EVI5: variants seen among roughly 807,000 people sequenced by gnomAD.
The protein encoded by EVI5 is ecotropic viral integration site 5 protein homolog.
EVI5 carries 73 observed loss-of-function variants against 112.0 expected under a neutral mutation model. That is an observed-to-expected ratio of 0.65 (90% CI 0.54 to 0.79). The LOEUF (loss-of-function observed/expected upper bound fraction) is 0.79, where lower values mean the gene tolerates loss of function less well. Ranked by LOEUF, EVI5 falls within the 30% of genes least tolerant of loss-of-function variation. The pLI, the probability that EVI5 is intolerant of heterozygous loss-of-function variation, is 0.00. For missense variants in EVI5, 900 were observed against 968.8 expected (o/e 0.93, Z 0.94); for synonymous variants, 305 against 319.9 (o/e 0.95, Z 0.50).
intron 19 of EVI5, among the ~76,000 whole-genome samples, chr1:92,520,383 T>C (rs920957165): frequency 1.3e-5 from 2 of 152,294 alleles, no homozygotes; most frequent in South Asian, 2.1e-4. Context: ...GTGACAGTTA[T>C]ATAATTCTAA....
At chr1:92,634,907 C>A (rs1236955591) in intron 14 of EVI5, among the ~76,000 whole-genome samples, 1 of 152,192 alleles carries the variant, frequency 6.6e-6, no homozygotes, top group African/African-American at 2.4e-5. Flanking sequence ...AGTCAGGACC[C>A]TTAGCTGCAA....
chr1:92,741,071 C>T (rs1277775428), intron 1 of EVI5, among the ~76,000 whole-genome samples: 2 of 152,150 alleles, frequency 1.3e-5, no homozygotes, highest in Non-Finnish European at 2.9e-5. Context: ...TAAATCGCAC[C>T]AGGTACTGTT....
At chr1:92,563,773 G>T in intron 18 of EVI5, 36 bp from the exon 19 acceptor site, 1 of 1,390,496 alleles carries the variant, frequency 7.2e-7, no homozygotes. Context: ...AAAAACAAGA[G>T]GCAATTTTTC....
intron 13 of EVI5, among the ~76,000 whole-genome samples, chr1:92,641,735 C>T (rs1405797196): frequency 6.6e-6 from 1 of 152,068 alleles, no homozygotes; most frequent in East Asian, 1.9e-4. Flanking sequence ...CATATGACCC[C>T]AAAAGGATGT....
intron 16 of EVI5, among the ~76,000 whole-genome samples, chr1:92,623,300 T>C (rs1654971052): frequency 6.6e-6 from 1 of 152,164 alleles, no homozygotes. Flanking sequence ...ATATTTATTC[T>C]GAAGAAATTA....
At chr1:92,765,788 G>A (rs1330841955) in intron 1 of EVI5, among the ~76,000 whole-genome samples, 2 of 152,112 alleles carry the variant, frequency 1.3e-5, no homozygotes, top group Admixed American at 6.6e-5. Context: ...AAAACTGGGG[G>A]GAAAGGGCGG....
chr1:92,773,504 G>A (rs752751508), intron 1 of EVI5, among the ~76,000 whole-genome samples: 10 of 151,908 alleles, frequency 6.6e-5, no homozygotes, highest in East Asian at 3.9e-4. Flanking sequence ...AGCCAAGTGC[G>A]GTGGCACAAA....
At chr1:92,667,669 G>C (rs923341793) in intron 10 of EVI5, among the ~76,000 whole-genome samples, 3 of 152,182 alleles carry the variant, frequency 2.0e-5, no homozygotes, top group Non-Finnish European at 2.9e-5. Context: ...AGGCTGGAAT[G>C]CAGTGGTGCG....
chr1:92,583,703 T>G (rs991491572), intron 18 of EVI5, among the ~76,000 whole-genome samples: 2 of 150,740 alleles, frequency 1.3e-5, no homozygotes, highest in Non-Finnish European at 3.0e-5. Flanking sequence ...TATAAGCTAC[T>G]GGAAGTACCA....
At chr1:92,698,875 T>G (rs1558098626) in intron 5 of EVI5, among the ~76,000 whole-genome samples, 1 of 152,174 alleles carries the variant, frequency 6.6e-6, no homozygotes, top group Non-Finnish European at 1.5e-5. Flanking sequence ...GGAAATCATA[T>G]CAAATAAGAT....
At chr1:92,732,768 C>T (rs939866423) in intron 2 of EVI5, among the ~76,000 whole-genome samples, 5 of 151,112 alleles carry the variant, frequency 3.3e-5, no homozygotes, top group African/African-American at 7.3e-5. Flanking sequence ...GGCGTGGTGG[C>T]GGGCACCTGT....
At chr1:92,721,824 C>G (rs549200089) in intron 2 of EVI5, among the ~76,000 whole-genome samples, 1 of 152,052 alleles carries the variant, frequency 6.6e-6, no homozygotes, top group Non-Finnish European at 1.5e-5. Context: ...TTTAATATAA[C>G]GCTTTGTGTA....
chr1:92,561,938 A>G (rs1208158474), intron 19 of EVI5, among the ~76,000 whole-genome samples: 1 of 152,102 alleles, frequency 6.6e-6, no homozygotes, highest in Non-Finnish European at 1.5e-5. Flanking sequence ...ACCTGGTCAG[A>G]ATATCATTAT....
Position 92,512,346 on chromosome 1 carries a change from C to T in EVI5, c.*1310G>A, listed in dbSNP as rs201426539. 2 of 152,480 alleles carry T rather than the reference C, an allele frequency of 1.3e-5. No homozygotes were observed. The highest frequency in any genetic ancestry group is 1.3e-4 in the Admixed American group (2 of 15,278). The allele number at this position is 152,480 out of a possible 1,614,324, so 9.4% of individuals were successfully genotyped here. A position where few individuals can be genotyped will look rare whatever the true frequency, so the allele number is the denominator to read the frequency against. On this transcript the variant is annotated 3_prime_UTR_variant, in exon 20 of 20. Transcript: ENST00000684568. ...CACTAACTAATATGTGCTATAACCT[C>T]TTCAGTCATGAAAAATTTAGTAGTT...
intron 2 of EVI5, among the ~76,000 whole-genome samples, chr1:92,716,667 C>A (rs1407063633): frequency 6.8e-6 from 1 of 147,560 alleles, no homozygotes; most frequent in Non-Finnish European, 1.5e-5. Flanking sequence ...TAATAACAAA[C>A]TTCTCCAAGC....
upstream of EVI5, among the ~76,000 whole-genome samples, chr1:92,786,760 G>GA (rs1482825766): frequency 6.6e-6 from 1 of 152,026 alleles, no homozygotes; most frequent in Non-Finnish European, 1.5e-5. Context: ...CATTCTCTTA[G>GA]AAAAAACCCT....
intron 1 of EVI5, among the ~76,000 whole-genome samples, chr1:92,770,768 C>T (rs1347780881): frequency 2.6e-5 from 4 of 151,612 alleles, no homozygotes; most frequent in Non-Finnish European, 5.9e-5. Flanking sequence ...CCAGCCTGGG[C>T]GACAGAGCGG....
At chr1:92,722,212 T>C (rs1674858581) in intron 2 of EVI5, among the ~76,000 whole-genome samples, 1 of 152,212 alleles carries the variant, frequency 6.6e-6, no homozygotes, top group Admixed American at 6.5e-5. Context: ...GAATATAATA[T>C]ACTGTTATTA....
chr1:92,517,885 CTTTT>C (rs35504849), intron 19 of EVI5, among the ~76,000 whole-genome samples: 4 of 102,230 alleles, frequency 3.9e-5, no homozygotes, highest in African/African-American at 1.2e-4. Flanking sequence ...ATATTATATG[CTTTT>C]TTTTTTTTTT....
Sources: gnomAD v4.1 joint callset for allele counts (sites outside exome capture counted in the v4.1 genomes callset) on GRCh38, gnomAD v4.1.1 for gene constraint, MANE v1.5 for transcripts, NCBI Gene and HGNC (gene_info 2026-07-23, HGNC 2026-07-21) for gene names.